VWA3B: variants seen among roughly 807,000 people sequenced by gnomAD.
VWA3B encodes the protein von Willebrand factor A domain containing 3B.
A neutral mutation model predicts 158.3 loss-of-function variants in VWA3B; 138 were observed. That is an observed-to-expected ratio of 0.87 (90% confidence interval 0.76 to 1.00). The LOEUF is 1.00. Ranked by LOEUF, VWA3B falls within the 50% of genes least tolerant of loss-of-function variation. VWA3B has a pLI of 0.00. For missense variants in VWA3B, 1,555 were observed against 1,565.1 expected (o/e 0.99, Z 0.11); for synonymous variants, 596 against 587.3 (o/e 1.01, Z -0.21).
At position 98,092,816 on chromosome 2, in the gene VWA3B, GTATATATATATATATATATATATATA is replaced by G. The variant is rs70940110; in HGVS notation, c.-32-226_-32-201del. On this transcript the variant is annotated intron_variant, in intron 1 of 27. Transcript: ENST00000477737. ...ACGGAATATCTTTCTAGATGTTTTT[GTATATATATATATATATATATATATA>G]TATATATATATATATATAGTTGAAT... is the stretch of plus-strand genomic sequence containing the variant. 1.1e-3 allele frequency among the ~76,000 whole-genome samples: 59 copies of G among 51,496 alleles called. 2 individuals carry two copies. Among genetic ancestry groups the G allele is most frequent in the Middle Eastern group, 0.014 (1 of 72 alleles). The allele number at this position is 51,496 out of a possible 152,430, so 33.8% of individuals were successfully genotyped here. A position where few individuals can be genotyped will look rare whatever the true frequency, so the allele number is the denominator to read the frequency against.
At chr2:98,195,613 A>G (rs965342536) in intron 12 of VWA3B, among the ~76,000 whole-genome samples, 7 of 152,232 alleles carry the variant, frequency 4.6e-5, no homozygotes, top group East Asian at 1.9e-4. Context: ...TTATGACACA[A>G]TAATAGGAAA....
intron 2 of VWA3B, among the ~76,000 whole-genome samples, chr2:98,095,217 G>A (rs1682632108): frequency 6.6e-6 from 1 of 152,144 alleles, no homozygotes; most frequent in Non-Finnish European, 1.5e-5. Flanking sequence ...ACTTTGGGTA[G>A]TGTGGATATT....
intron 15 of VWA3B, among the ~76,000 whole-genome samples, chr2:98,228,577 C>T (rs545645445): frequency 1.3e-5 from 2 of 152,128 alleles, no homozygotes; most frequent in South Asian, 2.1e-4. Context: ...TGTGGACGGG[C>T]CCCCAGACCC....
At chr2:98,287,718 T>G (rs1203383989) in intron 22 of VWA3B, among the ~76,000 whole-genome samples, 1 of 152,200 alleles carries the variant, frequency 6.6e-6, no homozygotes, top group Non-Finnish European at 1.5e-5. Context: ...TCCTTTCTTT[T>G]TCTGAAATTT....
chr2:98,218,844 C>T (rs571604036), intron 14 of VWA3B, among the ~76,000 whole-genome samples: 1 of 152,290 alleles, frequency 6.6e-6, no homozygotes, highest in East Asian at 1.9e-4. Flanking sequence ...GGGACCAGTG[C>T]TTTAAGCTCA....
intron 19 of VWA3B, among the ~76,000 whole-genome samples, chr2:98,248,835 CTT>C (rs367600105): frequency 0.18 from 5,656 of 31,530 alleles, 175 homozygotes; most frequent in South Asian, 0.24. Context: ...TTCTTTCTTT[CTT>C]TCTTTCTTTC....
At chr2:98,130,534 A>C (rs1011233743) in intron 6 of VWA3B, among the ~76,000 whole-genome samples, 1 of 151,978 alleles carries the variant, frequency 6.6e-6, no homozygotes, top group East Asian at 1.9e-4. Context: ...AGGTCCCTGC[A>C]GCCTTCCGCA....
rs966292128 is a variant in VWA3B at position 98,110,252 on chromosome 2, T to C, written c.197-5400T>C. Reference sequence around the variant, plus strand: ...TGTCTAGATTGGGTAATTTTTATTGTTCTCCAAGCTTACTCATTCTTCTTT... The same window carrying C: ...TGTCTAGATTGGGTAATTTTTATTGCTCTCCAAGCTTACTCATTCTTCTTT... On this transcript the variant is annotated intron_variant, in intron 2 of 27. Transcript: ENST00000477737. Among the ~76,000 whole-genome samples the C allele has an allele frequency of 3.3e-5, 5 of 152,244 alleles. No homozygotes were observed. The East Asian group carries it at 9.6e-4, about 29-fold the overall frequency.
intron 12 of VWA3B, among the ~76,000 whole-genome samples, chr2:98,204,948 T>C (rs1682890320): frequency 6.6e-6 from 1 of 152,156 alleles, no homozygotes; most frequent in Admixed American, 6.5e-5. Context: ...CCGTCTCTAC[T>C]TAACATACAA....
intron 22 of VWA3B, among the ~76,000 whole-genome samples, chr2:98,276,583 T>C (rs1397463931): frequency 6.6e-6 from 1 of 152,140 alleles, no homozygotes; most frequent in Non-Finnish European, 1.5e-5. Context: ...GCTGCCCATG[T>C]GTGTCCAGAG....
chr2:98,245,069 T>C (rs1175950549), intron 19 of VWA3B, among the ~76,000 whole-genome samples: 1 of 152,172 alleles, frequency 6.6e-6, no homozygotes, highest in African/African-American at 2.4e-5. Flanking sequence ...ATCAATTTGA[T>C]AAGGCTTCTA....
Position 98,119,783 on chromosome 2 carries a change from G to A in VWA3B, c.542+20G>A, listed in dbSNP as rs1294119798. The A allele has an allele frequency of 1.9e-6, 3 of 1,609,306 alleles. No homozygotes were observed. Among genetic ancestry groups the A allele is most frequent in the Non-Finnish European group, 2.6e-6 (3 of 1,176,368 alleles). On this transcript the variant is annotated intron_variant, in intron 4 of 27. Transcript: ENST00000477737. Reference sequence around the variant, plus strand: ...CATACGGTGAGTTCCCATAGGAAGGGAGTATTTTAGTGAAAGTTCATAGTA... The same window carrying A: ...CATACGGTGAGTTCCCATAGGAAGGAAGTATTTTAGTGAAAGTTCATAGTA...
chr2:98,134,824 G>C (rs1488126314), intron 7 of VWA3B, among the ~76,000 whole-genome samples: 1 of 151,948 alleles, frequency 6.6e-6, no homozygotes, highest in Non-Finnish European at 1.5e-5. Context: ...CCCAGGAGAA[G>C]GTTAGGTTTT....
chr2:98,273,495 G>A (rs780501446), intron 22 of VWA3B, among the ~76,000 whole-genome samples: 1 of 152,172 alleles, frequency 6.6e-6, no homozygotes, highest in South Asian at 2.1e-4. Flanking sequence ...ACATTTCTCT[G>A]TCGATTTACC....
intron 26 of VWA3B, among the ~76,000 whole-genome samples, chr2:98,305,206 A>T (rs1051916719): frequency 1.1e-4 from 16 of 151,404 alleles, no homozygotes; most frequent in Non-Finnish European, 2.1e-4. Flanking sequence ...TGCCTCCATG[A>T]CTCCCTTTGC....
At chr2:98,256,084 T>C (rs769795599) in intron 20 of VWA3B, 40 bp from the exon 21 acceptor site, 2 of 1,610,062 alleles carry the variant, frequency 1.2e-6, no homozygotes, top group African/African-American at 1.3e-5. Context: ...TGAAATGAAG[T>C]ACTGCTACAA....
intron 13 of VWA3B, among the ~76,000 whole-genome samples, chr2:98,217,131 C>T (rs10172087): frequency 0.8 from 121,837 of 152,110 alleles, 49,110 homozygotes; most frequent in South Asian, 0.89. Flanking sequence ...GAAACAGCCA[C>T]TCCTGTCCTC....
intron 22 of VWA3B, among the ~76,000 whole-genome samples, chr2:98,286,077 A>G (rs902502302): frequency 1.3e-5 from 2 of 151,998 alleles, no homozygotes; most frequent in African/African-American, 2.4e-5. Flanking sequence ...CAGAGTGCTC[A>G]TTGCTAATAC....
chr2:98,191,938 C>T (rs557008798), intron 10 of VWA3B, among the ~76,000 whole-genome samples: 1 of 152,216 alleles, frequency 6.6e-6, no homozygotes, highest in Non-Finnish European at 1.5e-5. Context: ...CTCCACCCCC[C>T]AGGCTTTGCT....
Sources: allele counts gnomAD v4.1 joint callset (sites outside exome capture counted in the v4.1 genomes callset), GRCh38; gene constraint gnomAD v4.1.1; transcripts MANE v1.5; gene names NCBI Gene and HGNC (gene_info 2026-07-23, HGNC 2026-07-21).